CLIC4: variants seen among roughly 807,000 people sequenced by gnomAD.
The protein encoded by CLIC4 is CLIC family member 4.
CLIC4 carries 13 observed loss-of-function variants against 24.6 expected under a neutral mutation model. The ratio of observed to expected loss-of-function variants is 0.53; its 90% CI spans 0.34 to 0.84. The LOEUF is 0.84. Ranked by LOEUF, CLIC4 falls within the 40% of genes least tolerant of loss-of-function variation. CLIC4 has a pLI of 0.01. For missense variants in CLIC4, 227 were observed against 301.7 expected (o/e 0.75, Z 1.83); for synonymous variants, 104 against 111.3 (o/e 0.93, Z 0.41).
rs570412906 is a variant in CLIC4 at position 24,745,448 on chromosome 1, G to T, written c.-106G>T. The T allele has an allele frequency of 4.8e-6, 5 of 1,040,992 alleles. No homozygotes were observed. Among genetic ancestry groups the T allele is most frequent in the Non-Finnish European group, 7.0e-6 (5 of 710,974 alleles). 64.5% of individuals were successfully genotyped at this position (1,040,992 alleles called of 1,614,324 possible). On this transcript the variant is annotated 5_prime_UTR_variant, in exon 1 of 6. Coordinates refer to ENST00000374379, the MANE Select transcript of CLIC4 (RefSeq NM_013943.3). ...GCCGTGGCCAGCTCGACGCCGGACA[G>T]TCCAGCGAGCAGCACGGCGGGAACC... is the stretch of plus-strand genomic sequence containing the variant.
chr1:24,755,472 G>A (rs1638835298), intron 1 of CLIC4, among the ~76,000 whole-genome samples: 1 of 151,516 alleles, frequency 6.6e-6, no homozygotes, highest in Non-Finnish European at 1.5e-5. Flanking sequence ...TGGTGTGGTG[G>A]TGGTGGTGAG....
At chr1:24,826,370 G>A (rs1000453017) in intron 3 of CLIC4, among the ~76,000 whole-genome samples, 2 of 152,168 alleles carry the variant, frequency 1.3e-5, no homozygotes, top group Non-Finnish European at 2.9e-5. Context: ...AACCTGCTAT[G>A]GGTGATCATG....
At chr1:24,759,197 A>G (rs1412492541) in intron 1 of CLIC4, among the ~76,000 whole-genome samples, 2 of 152,232 alleles carry the variant, frequency 1.3e-5, no homozygotes, top group Non-Finnish European at 1.5e-5. Flanking sequence ...TATCTATGTA[A>G]TAGGTAAGAT....
intron 1 of CLIC4, among the ~76,000 whole-genome samples, chr1:24,775,502 T>G (rs1007290985): frequency 1.3e-5 from 2 of 151,712 alleles, no homozygotes; most frequent in African/African-American, 4.8e-5. Context: ...TGTCTTTATG[T>G]TCACAGACCT....
At chr1:24,839,832 A>G (rs994306876) in intron 4 of CLIC4, 28 bp from the exon 5 acceptor site, 2 of 1,594,620 alleles carry the variant, frequency 1.3e-6, no homozygotes, top group South Asian at 2.2e-5. Flanking sequence ...TTCTTACAGT[A>G]TTCTCATCTC....
intron 1 of CLIC4, among the ~76,000 whole-genome samples, chr1:24,763,533 C>CAAAAAAAAA (rs33955013): frequency 1.3e-5 from 1 of 78,950 alleles, no homozygotes; most frequent in African/African-American, 5.5e-5. Context: ...ACTCCGTCTC[C>CAAAAAAAAA]AAAAAAAAAA....
At chr1:24,762,041 T>C (rs1168137785) in intron 1 of CLIC4, among the ~76,000 whole-genome samples, 1 of 152,150 alleles carries the variant, frequency 6.6e-6, no homozygotes, top group Admixed American at 6.5e-5. Context: ...GAAAGAAGTC[T>C]AGGCAGGGTA....
intron 1 of CLIC4, among the ~76,000 whole-genome samples, chr1:24,774,985 C>T (rs1014014260): frequency 3.3e-5 from 5 of 151,654 alleles, no homozygotes; most frequent in Non-Finnish European, 5.9e-5. Context: ...GCGGGAGAAT[C>T]GCTTGAACCC....
intron 1 of CLIC4, among the ~76,000 whole-genome samples, chr1:24,761,310 A>G (rs115334557): frequency 2.2e-4 from 34 of 152,280 alleles, no homozygotes; most frequent in Middle Eastern, 3.4e-3. Flanking sequence ...TAAGGACAGT[A>G]GGTTATTATA....
intron 1 of CLIC4, among the ~76,000 whole-genome samples, chr1:24,783,446 A>T (rs1296499659): frequency 6.6e-6 from 1 of 152,178 alleles, no homozygotes; most frequent in African/African-American, 2.4e-5. Flanking sequence ...TCACGCCTGT[A>T]ATCCTAGCAC....
chr1:24,814,852 GT>G (rs1639652767), intron 3 of CLIC4, among the ~76,000 whole-genome samples: 2 of 152,266 alleles, frequency 1.3e-5, no homozygotes, highest in Non-Finnish European at 2.9e-5. Flanking sequence ...GGCTTTTCCA[GT>G]TTCATTATCC....
chr1:24,814,439 G>T (rs75404060), intron 3 of CLIC4, among the ~76,000 whole-genome samples: 1 of 152,156 alleles, frequency 6.6e-6, no homozygotes, highest in Non-Finnish European at 1.5e-5. Flanking sequence ...AGAATATGTG[G>T]TAGAAACAGA....
intron 2 of CLIC4, among the ~76,000 whole-genome samples, chr1:24,807,941 T>TA: frequency 8.5e-6 from 1 of 117,092 alleles, no homozygotes; most frequent in Middle Eastern, 4.1e-3. Flanking sequence ...ATGACAAGAT[T>TA]AAAAAACATT....
At chr1:24,795,681 C>T (rs1380977377) in intron 1 of CLIC4, among the ~76,000 whole-genome samples, 1 of 152,204 alleles carries the variant, frequency 6.6e-6, no homozygotes, top group Non-Finnish European at 1.5e-5. Context: ...AGCAATTCTC[C>T]TGTCTCAGCC....
At chr1:24,748,821 G>A (rs1638739302) in intron 1 of CLIC4, among the ~76,000 whole-genome samples, 2 of 151,864 alleles carry the variant, frequency 1.3e-5, no homozygotes, top group African/African-American at 4.8e-5. Context: ...TGTTTGAAAG[G>A]GGAAAAAAGG....
intron 1 of CLIC4, among the ~76,000 whole-genome samples, chr1:24,787,162 C>T (rs578245485): frequency 4.6e-5 from 7 of 152,010 alleles, no homozygotes; most frequent in Admixed American, 2.0e-4. Context: ...TTTAAGAAAA[C>T]AGTAGACATG....
chr1:24,745,520 C>G lies in CLIC4; in HGVS notation c.-34C>G, dbSNP rs760229882. 9.0e-6 allele frequency: 14 copies of G among 1,554,666 alleles called. No individual in the cohort carries two copies. In the East Asian group the frequency reaches 3.4e-4, roughly 38 times the overall value. On this transcript the variant is annotated 5_prime_UTR_variant, in exon 1 of 6. Transcript: ENST00000374379. ...GCAGAAGCAGCAGCAGCAGCAGCAG[C>G]CCTCGCCGTTCGCGGAGCGCAGCCG...
chr1:24,828,848 A>C (rs1320692941), intron 4 of CLIC4, among the ~76,000 whole-genome samples: 5 of 152,218 alleles, frequency 3.3e-5, no homozygotes, highest in African/African-American at 1.2e-4. Context: ...ACAACATAAT[A>C]TAATACATGG....
chr1:24,806,443 G>C (rs964701853), intron 2 of CLIC4, among the ~76,000 whole-genome samples: 2 of 152,168 alleles, frequency 1.3e-5, no homozygotes, highest in Non-Finnish European at 2.9e-5. Context: ...TTTGGAATCA[G>C]GACCTGCCAT....
Sources: allele counts gnomAD v4.1 joint callset (sites outside exome capture counted in the v4.1 genomes callset), GRCh38; gene constraint gnomAD v4.1.1; transcripts MANE v1.5; gene names NCBI Gene and HGNC (gene_info 2026-07-23, HGNC 2026-07-21).